The following CTNND2 variants were observed in gnomAD, a reference collection of about 807,000 sequenced individuals.
The protein encoded by CTNND2 is catenin delta-2.
Under a neutral mutation model 144.4 loss-of-function variants are expected in CTNND2, and 22 were observed. The ratio of observed to expected loss-of-function variants is 0.15; its 90% CI spans 0.11 to 0.22. CTNND2 has a LOEUF of 0.22. Among genes scored for constraint, CTNND2 ranks in the 10% least tolerant of loss-of-function variants. CTNND2 has a pLI of 1.00. For missense variants in CTNND2, 1,353 were observed against 1,618.8 expected, an observed-to-expected ratio of 0.84 and a Z score of 2.82; for synonymous variants, 751 against 695.6, an observed-to-expected ratio of 1.08 and a Z score of -1.25.
chr5:11,761,912 A>G (rs2126806600), intron 1 of CTNND2, among the ~76,000 whole-genome samples: 1 of 152,304 alleles, frequency 6.6e-6, no homozygotes, highest in Non-Finnish European at 1.5e-5. Context: ...ACTAGATTCT[A>G]CCATAATTAG....
chr5:11,445,636 G>A (rs1309926296), intron 3 of CTNND2, among the ~76,000 whole-genome samples: 2 of 152,178 alleles, frequency 1.3e-5, no homozygotes, highest in Non-Finnish European at 2.9e-5. Flanking sequence ...CTGCATCCCA[G>A]TGAACCAGCA....
At chr5:10,991,847 A>G (rs1331558144) in intron 19 of CTNND2, among the ~76,000 whole-genome samples, 1 of 152,268 alleles carries the variant, frequency 6.6e-6, no homozygotes, top group Non-Finnish European at 1.5e-5. Flanking sequence ...CTGAAGGAAG[A>G]AAGCACATTT....
chr5:11,376,533 C>T (rs1757967417), intron 7 of CTNND2, among the ~76,000 whole-genome samples: 1 of 152,134 alleles, frequency 6.6e-6, no homozygotes. Flanking sequence ...GTATTTTCCA[C>T]TGTGCATTCT....
intron 10 of CTNND2, among the ~76,000 whole-genome samples, chr5:11,231,297 T>A (rs1740983607): frequency 6.6e-6 from 1 of 152,116 alleles, no homozygotes; most frequent in Non-Finnish European, 1.5e-5. Flanking sequence ...CTTGAAAACA[T>A]GGAAGCGTCT....
intron 11 of CTNND2, among the ~76,000 whole-genome samples, chr5:11,184,744 C>T (rs1022310884): frequency 4.6e-5 from 7 of 152,122 alleles, no homozygotes; most frequent in Non-Finnish European, 8.8e-5. Flanking sequence ...CTGGGTGTGT[C>T]CCTAGCAATT....
chr5:11,459,992 T>C (rs1766056100), intron 3 of CTNND2, among the ~76,000 whole-genome samples: 1 of 152,180 alleles, frequency 6.6e-6, no homozygotes, highest in South Asian at 2.1e-4. Context: ...TACTTAGAAT[T>C]TTGATGAAGC....
At chr5:11,538,023 G>T (rs887308758) in intron 3 of CTNND2, among the ~76,000 whole-genome samples, 2 of 152,130 alleles carry the variant, frequency 1.3e-5, no homozygotes, top group African/African-American at 4.8e-5. Flanking sequence ...ATTCACCATG[G>T]ACTCAACCTA....
intron 11 of CTNND2, among the ~76,000 whole-genome samples, chr5:11,172,181 T>G (rs1486314641): frequency 6.6e-6 from 1 of 152,194 alleles, no homozygotes; most frequent in Admixed American, 6.5e-5. Context: ...GGGTGGGTCC[T>G]GCTACCTAAG....
At chr5:11,449,224 A>ATT (rs747380402) in intron 3 of CTNND2, among the ~76,000 whole-genome samples, 6 of 152,144 alleles carry the variant, frequency 3.9e-5, no homozygotes, top group Non-Finnish European at 7.4e-5. Flanking sequence ...TTTCAAGGTT[A>ATT]TTTACAGATA....
intron 9 of CTNND2, among the ~76,000 whole-genome samples, chr5:11,273,375 G>C (rs560645530): frequency 3.3e-5 from 5 of 152,332 alleles, no homozygotes; most frequent in Admixed American, 1.3e-4. Context: ...CTGGCTAAGT[G>C]TATGAGTCAC....
chr5:11,390,757 C>A (rs1184097691), intron 6 of CTNND2, among the ~76,000 whole-genome samples: 1 of 152,212 alleles, frequency 6.6e-6, no homozygotes, highest in Non-Finnish European at 1.5e-5. Flanking sequence ...TCCCTGAGTC[C>A]AGCTTAACGG....
intron 1 of CTNND2, among the ~76,000 whole-genome samples, chr5:11,879,969 G>A (rs1582054367): frequency 6.6e-6 from 1 of 152,146 alleles, no homozygotes; most frequent in African/African-American, 2.4e-5. Context: ...CCATGGCTAT[G>A]GAAGATTGTG....
At chr5:11,785,468 A>G (rs112844376) in intron 1 of CTNND2, among the ~76,000 whole-genome samples, 2,141 of 152,352 alleles carry the variant, frequency 0.014, 31 homozygotes, top group South Asian at 0.073. Flanking sequence ...ACTAAGTTCC[A>G]ATTTAAAGTG....
rs1319694636 is a variant in CTNND2, at chr5:11,822,467, G to A, written c.37+81350C>T. Among the ~76,000 whole-genome samples, 3 of 152,118 alleles carry A rather than the reference G, an allele frequency of 2.0e-5. No homozygotes were observed. The East Asian group carries it at 5.8e-4, about 29-fold the overall frequency. Reference sequence around the variant, plus strand: ...AATACATGGTATGTGTAACAAATGAGTACTTTATTGTGGTAGGCAGTCTCA... The same window carrying A: ...AATACATGGTATGTGTAACAAATGAATACTTTATTGTGGTAGGCAGTCTCA... On this transcript the variant is annotated intron_variant, in intron 1 of 21. Transcript: ENST00000304623.
In CTNND2 at chr5:11,254,279, G is replaced by C. The variant is rs13358110; in HGVS notation, c.1629-17456C>G. On this transcript the variant is annotated intron_variant, in intron 9 of 21. Transcript: ENST00000304623. ...GTAAAAGAAGCTCCCATCACTTCAA[G>C]TTTCCCTGAATACATACCCTCTGCT... Among the ~76,000 whole-genome samples, 339 of 152,232 alleles carry C rather than the reference G, an allele frequency of 2.2e-3. 3 individuals are homozygous for C. The highest frequency in any genetic ancestry group is 7.6e-3 in the African/African-American group (314 of 41,540).
intron 1 of CTNND2, among the ~76,000 whole-genome samples, chr5:11,871,446 G>A (rs1346421778): frequency 6.6e-6 from 1 of 152,030 alleles, no homozygotes; most frequent in Non-Finnish European, 1.5e-5. Flanking sequence ...AAAGGACTTG[G>A]AATAATAAAA....
intron 12 of CTNND2, among the ~76,000 whole-genome samples, chr5:11,157,850 G>C (rs982541719): frequency 6.6e-6 from 1 of 152,188 alleles, no homozygotes; most frequent in Non-Finnish European, 1.5e-5. Context: ...TCGAGCTGCT[G>C]TATGTGTGAA....
intron 2 of CTNND2, among the ~76,000 whole-genome samples, chr5:11,652,083 T>C (rs1782672078): frequency 1.3e-5 from 2 of 152,212 alleles, no homozygotes; most frequent in African/African-American, 4.8e-5. Context: ...CTTGGATTTA[T>C]GTCCCTGCAC....
chr5:11,187,261 G>A (rs1256971834), intron 11 of CTNND2, among the ~76,000 whole-genome samples: 1 of 152,144 alleles, frequency 6.6e-6, no homozygotes, highest in African/African-American at 2.4e-5. Context: ...GAGAAACAGA[G>A]ACAAATGGGA....
Sources: gnomAD v4.1 joint callset for allele counts (sites outside exome capture counted in the v4.1 genomes callset) on GRCh38, gnomAD v4.1.1 for gene constraint, MANE v1.5 for transcripts, NCBI Gene and HGNC (gene_info 2026-07-23, HGNC 2026-07-21) for gene names.